The following ARNT2 variants were observed in gnomAD, a reference collection of about 807,000 sequenced individuals.
ARNT2 encodes aryl hydrocarbon receptor nuclear translocator 2.
In ARNT2, 36 loss-of-function variants were observed where a neutral mutation model predicts 91.7. The ratio of observed to expected loss-of-function variants is 0.39; its 90% CI spans 0.30 to 0.52. The LOEUF (loss-of-function observed/expected upper bound fraction) is 0.52, where lower values mean the gene tolerates loss of function less well. Ranked by LOEUF, ARNT2 falls within the 20% of genes least tolerant of loss-of-function variation. The pLI is 0.72. For missense variants in ARNT2, 775 were observed against 939.3 expected, an observed-to-expected ratio of 0.83 and a Z score of 2.29; for synonymous variants, 365 against 347.1, an observed-to-expected ratio of 1.05 and a Z score of -0.57.
chr15:80,508,044 C>A, intron 5 of ARNT2, 112 bp from the exon 6 acceptor site: 2 of 956,678 alleles, frequency 2.1e-6, no homozygotes, highest in Admixed American at 2.1e-5. Context: ...ATTTGCACAG[C>A]CACACTTGTC....
chr15:80,473,036 G>A (rs1896753873), intron 4 of ARNT2, among the ~76,000 whole-genome samples: 1 of 152,130 alleles, frequency 6.6e-6, no homozygotes, highest in East Asian at 1.9e-4. Context: ...TGATGATAAT[G>A]GTTACATTTA....
At chr15:80,582,387 T>C (rs890483729) in intron 17 of ARNT2, among the ~76,000 whole-genome samples, 3 of 150,848 alleles carry the variant, frequency 2.0e-5, no homozygotes, top group African/African-American at 7.3e-5. Flanking sequence ...TTCCAGCTAC[T>C]CAGGAGGCTA....
intron 1 of ARNT2, among the ~76,000 whole-genome samples, chr15:80,415,089 C>T (rs1322325213): frequency 6.6e-6 from 1 of 152,212 alleles, no homozygotes; most frequent in Non-Finnish European, 1.5e-5. Flanking sequence ...TTCCGGTATT[C>T]AACACATTTC....
At chr15:80,482,650 G>C (rs966252062) in intron 5 of ARNT2, among the ~76,000 whole-genome samples, 1 of 152,188 alleles carries the variant, frequency 6.6e-6, no homozygotes, top group Non-Finnish European at 1.5e-5. Flanking sequence ...TGGGGTTTGG[G>C]CATATGAGTG....
chr15:80,486,190 A>G (rs891448591), intron 5 of ARNT2, among the ~76,000 whole-genome samples: 1 of 152,156 alleles, frequency 6.6e-6, no homozygotes, highest in African/African-American at 2.4e-5. Flanking sequence ...CTCTTCTAAG[A>G]ATACCAGTCT....
intron 1 of ARNT2, among the ~76,000 whole-genome samples, chr15:80,437,378 C>G (rs893757463): frequency 1.3e-5 from 2 of 152,212 alleles, no homozygotes; most frequent in African/African-American, 4.8e-5. Context: ...TTTGTCTTCT[C>G]TCCTCTTTTG....
chr15:80,470,720 C>T (rs1006398458), intron 4 of ARNT2, among the ~76,000 whole-genome samples: 2 of 152,200 alleles, frequency 1.3e-5, no homozygotes, highest in African/African-American at 4.8e-5. Context: ...AGTAAAAACG[C>T]TGTATGCTGG....
At chr15:80,531,502 G>T (rs1897739591) in intron 8 of ARNT2, among the ~76,000 whole-genome samples, 1 of 152,228 alleles carries the variant, frequency 6.6e-6, no homozygotes, top group East Asian at 1.9e-4. Flanking sequence ...TTAAAAATCA[G>T]TTTGATAAAT....
chr15:80,498,063 C>T (rs760538067), intron 5 of ARNT2, among the ~76,000 whole-genome samples: 18 of 152,136 alleles, frequency 1.2e-4, no homozygotes, highest in African/African-American at 4.1e-4. Flanking sequence ...GCTGCACCAT[C>T]GGGGGCCCTC....
intron 6 of ARNT2, among the ~76,000 whole-genome samples, chr15:80,509,531 C>A (rs1897315312): frequency 6.6e-6 from 1 of 151,998 alleles, no homozygotes; most frequent in African/African-American, 2.4e-5. Context: ...AGGGGTGATA[C>A]AAAGTAGACA....
In ARNT2 at chr15:80,593,779, G is replaced by A. The variant is rs988188341; in HGVS notation, c.*81G>A. The A allele has an allele frequency of 2.0e-5, 25 of 1,276,510 alleles. No individual in the cohort carries two copies. The highest frequency in any genetic ancestry group is 5.9e-5 in the African/African-American group (4 of 67,870). The allele number at this position is 1,276,510 out of a possible 1,614,324, so 79.1% of individuals were successfully genotyped here. On this transcript the variant is annotated 3_prime_UTR_variant, in exon 19 of 19. Transcript: ENST00000303329. ...GCCCATGTGAATGAGGCCCACCCTC[G>A]CCCTGCTTGCCCTGCCGCAGGCCCC...
chr15:80,535,858 G>T (rs1431836489), intron 8 of ARNT2, among the ~76,000 whole-genome samples: 1 of 152,052 alleles, frequency 6.6e-6, no homozygotes, highest in Non-Finnish European at 1.5e-5. Context: ...TTCCAAGTAC[G>T]TGAAGCTTTT....
chr15:80,407,509 A>G (rs533055100), intron 1 of ARNT2, among the ~76,000 whole-genome samples: 84 of 152,336 alleles, frequency 5.5e-4, no homozygotes, highest in African/African-American at 1.8e-3. Flanking sequence ...TATTCTCCTC[A>G]TGACTTCTGC....
intron 1 of ARNT2, 34 bp from the exon 2 acceptor site, chr15:80,450,846 A>G (rs1896377487): frequency 6.2e-7 from 1 of 1,609,598 alleles, no homozygotes; most frequent in South Asian, 1.1e-5. Context: ...CTTTTCTGGC[A>G]TTGACAAAAC....
chr15:80,551,599 C>T (rs2141456122), intron 9 of ARNT2, among the ~76,000 whole-genome samples: 1 of 152,304 alleles, frequency 6.6e-6, no homozygotes, highest in East Asian at 1.9e-4. Context: ...GGATGAAGTC[C>T]AAGCTCATCA....
At chr15:80,439,758 C>T (rs1430911007) in intron 1 of ARNT2, among the ~76,000 whole-genome samples, 1 of 152,172 alleles carries the variant, frequency 6.6e-6, no homozygotes, top group Non-Finnish European at 1.5e-5. Context: ...GAGGTCTCTG[C>T]AGTCATTGAG....
chr15:80,453,250 T>A (rs544511373), intron 2 of ARNT2, among the ~76,000 whole-genome samples: 13 of 152,250 alleles, frequency 8.5e-5, no homozygotes, highest in African/African-American at 2.9e-4. Flanking sequence ...GGAAGGAGGA[T>A]GAGCAGCAAT....
chr15:80,583,190 G>A (rs577267418), intron 17 of ARNT2, among the ~76,000 whole-genome samples: 16 of 152,348 alleles, frequency 1.1e-4, no homozygotes, highest in Middle Eastern at 3.4e-3. Flanking sequence ...GTCTGCGTGG[G>A]GGCCCTTGTG....
intron 13 of ARNT2, 28 bp downstream of exon 13, chr15:80,574,248 T>A (rs1267753778): frequency 3.7e-6 from 6 of 1,605,406 alleles, no homozygotes; most frequent in Non-Finnish European, 5.1e-6. Context: ...CCTTTCCCTG[T>A]TGGAATTGTC....
Sources: gnomAD v4.1 joint callset for allele counts (sites outside exome capture counted in the v4.1 genomes callset) on GRCh38, gnomAD v4.1.1 for gene constraint, MANE v1.5 for transcripts, NCBI Gene and HGNC (gene_info 2026-07-23, HGNC 2026-07-21) for gene names.